Variants in PTPRG observed in about 807,000 individuals in gnomAD.
PTPRG encodes protein tyrosine phosphatase receptor type G.
A neutral mutation model predicts 165.3 loss-of-function variants in PTPRG; 102 were observed. The ratio of observed to expected loss-of-function variants is 0.62; its 90% CI spans 0.53 to 0.73. PTPRG has a LOEUF of 0.73. PTPRG is among the 30% of genes least tolerant of loss of function. The pLI is 0.00. For missense variants in PTPRG, 1,866 were observed against 1,861.4 expected (o/e 1.00, Z -0.05); for synonymous variants, 675 against 669.5 (o/e 1.01, Z -0.13).
intron 1 of PTPRG, among the ~76,000 whole-genome samples, chr3:61,669,516 CTG>C (rs1272533276): frequency 6.6e-6 from 1 of 152,198 alleles, no homozygotes; most frequent in East Asian, 1.9e-4. Context: ...CTAGACTTTA[CTG>C]TCTCTGTTAA....
chr3:61,579,406 T>G (rs1038925048), intron 1 of PTPRG, among the ~76,000 whole-genome samples: 1 of 152,222 alleles, frequency 6.6e-6, no homozygotes, highest in African/African-American at 2.4e-5. Context: ...CTGCTGCTAT[T>G]CCGACACGTG....
At chr3:61,629,887 A>G (rs948015709) in intron 1 of PTPRG, among the ~76,000 whole-genome samples, 1 of 152,212 alleles carries the variant, frequency 6.6e-6, no homozygotes, top group African/African-American at 2.4e-5. Flanking sequence ...TAGCCTTTCA[A>G]GGGCCCTTCT....
chr3:61,652,099 G>T (rs1393663451), intron 1 of PTPRG, among the ~76,000 whole-genome samples: 1 of 152,128 alleles, frequency 6.6e-6, no homozygotes, highest in Non-Finnish European at 1.5e-5. Flanking sequence ...CACGAGATCA[G>T]GAGTTCAAGA....
intron 2 of PTPRG, among the ~76,000 whole-genome samples, chr3:61,963,259 A>G (rs1179954262): frequency 2.6e-5 from 4 of 152,196 alleles, no homozygotes; most frequent in Admixed American, 6.5e-5. Context: ...GTATCTGTCA[A>G]TAACTTTCAT....
At chr3:61,961,439 C>A (rs2040149868) in intron 2 of PTPRG, among the ~76,000 whole-genome samples, 1 of 152,030 alleles carries the variant, frequency 6.6e-6, no homozygotes, top group African/African-American at 2.4e-5. Context: ...AAAAATAAAC[C>A]ATTTCACTTC....
intron 2 of PTPRG, among the ~76,000 whole-genome samples, chr3:61,806,803 T>C (rs549561400): frequency 6.6e-6 from 1 of 152,328 alleles, no homozygotes; most frequent in African/African-American, 2.4e-5. Context: ...CTATCTGATT[T>C]TGCTGTTGAT....
chr3:61,622,835 A>T (rs1701501948), intron 1 of PTPRG, among the ~76,000 whole-genome samples: 1 of 152,226 alleles, frequency 6.6e-6, no homozygotes, highest in Admixed American at 6.5e-5. Flanking sequence ...AATGAATCAC[A>T]TTAAGTGCCA....
At chr3:62,291,549 C>A (rs890574385) in intron 28 of PTPRG, among the ~76,000 whole-genome samples, 1 of 151,952 alleles carries the variant, frequency 6.6e-6, no homozygotes, top group Non-Finnish European at 1.5e-5. Context: ...CTAAGGGGGA[C>A]TCTGGTCTTA....
At chr3:61,857,089 CTT>C (rs895779789) in intron 2 of PTPRG, among the ~76,000 whole-genome samples, 1 of 146,650 alleles carries the variant, frequency 6.8e-6, no homozygotes, top group Non-Finnish European at 1.5e-5. Flanking sequence ...TGTCTAGTAT[CTT>C]TTTTTTTTTA....
intron 4 of PTPRG, among the ~76,000 whole-genome samples, chr3:62,012,749 G>T (rs1429726153): frequency 6.6e-6 from 1 of 152,128 alleles, no homozygotes; most frequent in Non-Finnish European, 1.5e-5. Context: ...AAAGATTTTG[G>T]ATTTTTAAGA....
chr3:62,287,532 T>C (rs539327363), intron 28 of PTPRG, among the ~76,000 whole-genome samples: 1 of 152,210 alleles, frequency 6.6e-6, no homozygotes, highest in East Asian at 1.9e-4. Flanking sequence ...AAAGATAGGA[T>C]ACTAGTGGAG....
chr3:62,043,576 A>G (rs1700192784), intron 4 of PTPRG, among the ~76,000 whole-genome samples: 1 of 152,220 alleles, frequency 6.6e-6, no homozygotes, highest in Non-Finnish European at 1.5e-5. Flanking sequence ...CTGTTGCAAA[A>G]GGTCTCTTTT....
intron 1 of PTPRG, among the ~76,000 whole-genome samples, chr3:61,649,183 C>A (rs1009204657): frequency 7.0e-6 from 1 of 143,568 alleles, no homozygotes; most frequent in Non-Finnish European, 1.5e-5. Context: ...CTCCTTCCTT[C>A]CTTTTTCTAT....
chr3:61,599,388 T>C (rs74366902), intron 1 of PTPRG, among the ~76,000 whole-genome samples: 1 of 152,220 alleles, frequency 6.6e-6, no homozygotes, highest in African/African-American at 2.4e-5. Flanking sequence ...CATCAAGTGA[T>C]GTACCTGCCT....
chr3:62,290,096 T>C (rs1702826151), intron 28 of PTPRG, among the ~76,000 whole-genome samples: 1 of 151,924 alleles, frequency 6.6e-6, no homozygotes, highest in Non-Finnish European at 1.5e-5. Flanking sequence ...GAAAATGTTA[T>C]CACAAAAGGA....
At chr3:62,285,009 G>A (rs1445850999) in intron 28 of PTPRG, among the ~76,000 whole-genome samples, 1 of 152,020 alleles carries the variant, frequency 6.6e-6, no homozygotes. Flanking sequence ...ATTCATCCCA[G>A]AGGTGCTAAG....
At chr3:61,826,454 C>G (rs1468590065) in intron 2 of PTPRG, among the ~76,000 whole-genome samples, 1 of 152,030 alleles carries the variant, frequency 6.6e-6, no homozygotes, top group Admixed American at 6.6e-5. Flanking sequence ...ACCCTCCCAA[C>G]CCCACAAAAA....
chr3:62,074,211 G>GTGTGTGTGTGTGTA lies in PTPRG; in HGVS notation c.520-3951_520-3950insGTGTGTGTGTGTAT, dbSNP rs923780031. On this transcript the variant is annotated intron_variant, in intron 4 of 29. Transcript: ENST00000474889. The stretch of plus-strand genomic sequence containing the variant: ...TGTGTGTGTGTGTGTGTGTGTGTGT[G>GTGTGTGTGTGTGTA]TATACAGAGAGAGCGCAAAAGAGGT... Among the ~76,000 whole-genome samples, 19 of 150,926 alleles carry GTGTGTGTGTGTGTA rather than the reference G, an allele frequency of 1.3e-4. No homozygotes were observed. In the South Asian group the frequency reaches 1.7e-3, roughly 13 times the overall value.
intron 2 of PTPRG, among the ~76,000 whole-genome samples, chr3:61,922,026 C>A (rs2039089170): frequency 6.6e-6 from 1 of 152,136 alleles, no homozygotes. Flanking sequence ...GGAAGCTCTT[C>A]CAGAAATGTA....
Sources: allele counts gnomAD v4.1 joint callset (sites outside exome capture counted in the v4.1 genomes callset), GRCh38; gene constraint gnomAD v4.1.1; transcripts MANE v1.5; gene names NCBI Gene and HGNC (gene_info 2026-07-23, HGNC 2026-07-21).